The following LRRN3 variants were observed in gnomAD, a reference collection of about 807,000 sequenced individuals.
LRRN3 encodes the protein leucine rich repeat neuronal 3.
A neutral mutation model predicts 40.1 loss-of-function variants in LRRN3; 15 were observed. The observed-to-expected ratio is 0.37, with a 90% CI of 0.25 to 0.58. The LOEUF (loss-of-function observed/expected upper bound fraction) is 0.58. Ranked by LOEUF, LRRN3 falls within the 20% of genes least tolerant of loss-of-function variation. The pLI is 0.72. For synonymous variants in LRRN3, 308 were observed against 297.2 expected, an observed-to-expected ratio of 1.04 and a Z score of -0.37; for missense variants, 746 against 837.7, an observed-to-expected ratio of 0.89 and a Z score of 1.35.
At chr7:111,111,579 T>C (rs1799207325) in intron 2 of LRRN3, among the ~76,000 whole-genome samples, 1 of 152,114 alleles carries the variant, frequency 6.6e-6, no homozygotes, top group Non-Finnish European at 1.5e-5. Flanking sequence ...AATGGTATAG[T>C]AGTCAAATAT....
intron 2 of LRRN3, among the ~76,000 whole-genome samples, chr7:111,109,206 A>G (rs1798901355): frequency 6.6e-6 from 1 of 152,194 alleles, no homozygotes; most frequent in Non-Finnish European, 1.5e-5. Flanking sequence ...AGTACAATTT[A>G]ACATGTTCAT....
At position 111,123,537 on chromosome 7, in the gene LRRN3, T is replaced by C. The variant is rs1167803335; in HGVS notation, c.765T>C (p.Ala255=). ...DNRLIKVPHV[A]LQKVVNLKFL... is the part of the protein sequence containing the mutation. ...GGCTTATTAAAGTACCCCATGTTGCTCTTCAAAAAGTTGTAAATCTCAAAT... is the reference window on the plus strand; with the variant it reads ...GGCTTATTAAAGTACCCCATGTTGCCCTTCAAAAAGTTGTAAATCTCAAAT... The change falls in exon 3 of 3, where the codon GCT becomes GCC. Residue 255 remains alanine, a synonymous_variant. Transcript: ENST00000308478. The surrounding 1 kb of genome is among the most constrained non-coding windows in gnomAD (Gnocchi z 6.4). 6.2e-7 allele frequency: 1 copy of C among 1,613,926 alleles called. No individual in the cohort carries two copies. The highest frequency in any genetic ancestry group is 8.5e-7 in the Non-Finnish European group (1 of 1,179,946).
chr7:111,100,315 C>G (rs1797835485), intron 2 of LRRN3, among the ~76,000 whole-genome samples: 1 of 150,820 alleles, frequency 6.6e-6, no homozygotes, highest in Non-Finnish European at 1.5e-5. Flanking sequence ...AAGCATTTGA[C>G]TTTTTATGCA....
intron 2 of LRRN3, among the ~76,000 whole-genome samples, chr7:111,111,007 T>C (rs1563253431): frequency 1.3e-5 from 2 of 152,186 alleles, no homozygotes. Flanking sequence ...CATTTGCTTT[T>C]CTGAGCCTAA....
rs982801436 is a variant in LRRN3, at chr7:111,122,591, T to A, written c.-182T>A. 4 of 584,150 alleles carry A rather than the reference T, an allele frequency of 6.8e-6. No individual in the cohort carries two copies. The highest frequency in any genetic ancestry group is 1.2e-5 in the Non-Finnish European group (4 of 327,928). 36.2% of individuals were successfully genotyped at this position (584,150 alleles called of 1,614,324 possible). A position where few individuals can be genotyped will look rare whatever the true frequency, so the allele number is the denominator to read the frequency against. On this transcript the variant is annotated 5_prime_UTR_variant, in exon 3 of 3. Transcript: ENST00000308478. ...CTTCTCTTCTCCAATATGCATGACATTTTTGGACAATGCAATTGTGGCACT... is the reference window on the plus strand; with the variant it reads ...CTTCTCTTCTCCAATATGCATGACAATTTTGGACAATGCAATTGTGGCACT...
intron 2 of LRRN3, among the ~76,000 whole-genome samples, chr7:111,111,357 C>G (rs1799175971): frequency 7.5e-6 from 1 of 133,124 alleles, no homozygotes; most frequent in African/African-American, 2.8e-5. Context: ...TGCCCATTAA[C>G]AAAAATTAAA....
At chr7:111,120,393 C>T (rs1165030728) in intron 2 of LRRN3, among the ~76,000 whole-genome samples, 2 of 152,122 alleles carry the variant, frequency 1.3e-5, no homozygotes, top group East Asian at 3.9e-4. Flanking sequence ...GACATTTCCC[C>T]TATAAAAACA....
Position 111,114,762 on chromosome 7 carries a change from GAAAA to G in LRRN3, c.-358-7647_-358-7644del, listed in dbSNP as rs555204081. Among the ~76,000 whole-genome samples the G allele has an allele frequency of 6.9e-5, 10 of 145,824 alleles. No homozygotes were observed. In the East Asian group the frequency reaches 2.0e-3, roughly 29 times the overall value. ...TCAAAAAAAAAAAAAAAGAAAGAAA[GAAAA>G]AAAAAGAAATACATTGAAACCATTT... On this transcript the variant is annotated intron_variant, in intron 2 of 2. Coordinates refer to ENST00000308478, the MANE Select transcript of LRRN3 (RefSeq NM_001099658.2).
intron 2 of LRRN3, among the ~76,000 whole-genome samples, chr7:111,107,019 A>G (rs1351033396): frequency 6.6e-6 from 1 of 152,020 alleles, no homozygotes; most frequent in East Asian, 1.9e-4. Flanking sequence ...TGTAAATCCT[A>G]GAAAACAATC....
intron 2 of LRRN3, among the ~76,000 whole-genome samples, chr7:111,101,289 C>G (rs1346973008): frequency 2.6e-5 from 4 of 151,250 alleles, no homozygotes; most frequent in Non-Finnish European, 5.9e-5. Context: ...AGATACATCC[C>G]TAGTCATTGA....
intron 2 of LRRN3, among the ~76,000 whole-genome samples, chr7:111,108,437 A>C (rs214883): frequency 0.93 from 141,290 of 152,112 alleles, 65,748 homozygotes; most frequent in Non-Finnish European, 0.96. Flanking sequence ...ATCTGTATAT[A>C]TTATACCCCC....
chr7:111,100,949 A>C (rs1442659947), intron 2 of LRRN3, among the ~76,000 whole-genome samples: 1 of 151,578 alleles, frequency 6.6e-6, no homozygotes, highest in Non-Finnish European at 1.5e-5. Context: ...ACTTTTAAAT[A>C]TCTTTCTATA....
rs144008700 is a variant in LRRN3 at position 111,099,955 on chromosome 7, G to C, written c.-366G>C. Reference sequence around the variant, plus strand: ...TTTATTTAACATGCTCCACAGCCCGGACCCTGGGTAAGCTCTTTGTACAAC... The same window carrying C: ...TTTATTTAACATGCTCCACAGCCCGCACCCTGGGTAAGCTCTTTGTACAAC... On this transcript the variant is annotated 5_prime_UTR_variant, in exon 2 of 3. Coordinates refer to ENST00000308478, the MANE Select transcript of LRRN3 (RefSeq NM_001099658.2). 3 of 151,678 alleles carry C rather than the reference G, an allele frequency of 2.0e-5. No individual in the cohort carries two copies. The highest frequency in any genetic ancestry group is 7.2e-5 in the African/African-American group (3 of 41,462). The allele number at this position is 151,678 out of a possible 1,614,324, so 9.4% of individuals were successfully genotyped here.
Position 111,122,522 on chromosome 7 carries a change from C to A in LRRN3, c.-251C>A, listed in dbSNP as rs1800772943. The stretch of plus-strand genomic sequence containing the variant: ...CTATGACCATCTATACATACTCCAC[C>A]TTCAAAAAGTACATCAATATTATAT... On this transcript the variant is annotated 5_prime_UTR_variant, in exon 3 of 3. Transcript: ENST00000308478. 2 of 452,736 alleles carry A rather than the reference C, an allele frequency of 4.4e-6. 1 individual carries two copies. Among genetic ancestry groups the A allele is most frequent in the East Asian group, 7.2e-5 (2 of 27,776 alleles). The allele number at this position is 452,736 out of a possible 1,614,324, so 28.0% of individuals were successfully genotyped here.
chr7:111,115,233 T>C (rs1440572585), intron 2 of LRRN3, among the ~76,000 whole-genome samples: 2 of 152,124 alleles, frequency 1.3e-5, no homozygotes, highest in East Asian at 1.9e-4. Flanking sequence ...TATTGTAAAT[T>C]AGAATTCCCC....
intron 1 of LRRN3, among the ~76,000 whole-genome samples, chr7:111,095,510 AAT>A (rs1797308679): frequency 6.6e-6 from 1 of 152,074 alleles, no homozygotes; most frequent in Non-Finnish European, 1.5e-5. Flanking sequence ...AATATTCAAT[AAT>A]AGAAGCAACG....
chr7:111,093,470 T>C (rs979088558), intron 1 of LRRN3, among the ~76,000 whole-genome samples: 2 of 152,184 alleles, frequency 1.3e-5, no homozygotes, highest in Non-Finnish European at 2.9e-5. Flanking sequence ...TCCTATATAA[T>C]GTAGCATTGC....
chr7:111,118,114 G>C (rs895504731), intron 2 of LRRN3, among the ~76,000 whole-genome samples: 4 of 152,042 alleles, frequency 2.6e-5, no homozygotes, highest in Non-Finnish European at 4.4e-5. Context: ...ACAGAGCATT[G>C]CACACATTTT....
chr7:111,116,987 T>C (rs1799953243), intron 2 of LRRN3, among the ~76,000 whole-genome samples: 1 of 152,182 alleles, frequency 6.6e-6, no homozygotes, highest in Non-Finnish European at 1.5e-5. Flanking sequence ...ATTTACTTCC[T>C]ACTGGTTAGT....
Sources: allele counts gnomAD v4.1 joint callset (sites outside exome capture counted in the v4.1 genomes callset), GRCh38; gene constraint gnomAD v4.1.1; non-coding constraint Gnocchi (gnomAD v3.1); transcripts MANE v1.5; gene names NCBI Gene and HGNC (gene_info 2026-07-23, HGNC 2026-07-21).